SLC5A4: variants seen among roughly 807,000 people sequenced by gnomAD.
The protein encoded by SLC5A4 is solute carrier family 5 member 4.
In SLC5A4, 55 loss-of-function variants were observed where a neutral mutation model predicts 70.3. The observed-to-expected ratio is 0.78, with a 90% confidence interval of 0.63 to 0.98. The LOEUF is 0.98. Among genes scored for constraint, SLC5A4 ranks in the 50% least tolerant of loss-of-function variants. The pLI is 0.00. For missense variants in SLC5A4, 735 were observed against 839.2 expected (o/e 0.88, Z 1.53); for synonymous variants, 268 against 305.7 (o/e 0.88, Z 1.29).
chr22:32,248,653 G>A, intron 4 of SLC5A4, 90 bp downstream of exon 4: 1 of 932,072 alleles, frequency 1.1e-6, no homozygotes, highest in Middle Eastern at 2.1e-4. Context: ...TTTTTTCCTG[G>A]CAATACTCAT....
chr22:32,304,170 G>T, the SLC5A4 span, among the ~76,000 whole-genome samples: 1 of 151,980 alleles, frequency 6.6e-6, no homozygotes, highest in Non-Finnish European at 1.5e-5. Flanking sequence ...TCTGTCATCC[G>T]GGGTGGAGTG....
At chr22:32,240,149 G>A (rs1163996622) in intron 5 of SLC5A4, among the ~76,000 whole-genome samples, 1 of 151,922 alleles carries the variant, frequency 6.6e-6, no homozygotes, top group African/African-American at 2.4e-5. Context: ...TGGGGGGTTA[G>A]TTATGATTAT....
the SLC5A4 span, among the ~76,000 whole-genome samples, chr22:32,353,946 G>A: frequency 1.3e-5 from 2 of 149,552 alleles, no homozygotes; most frequent in African/African-American, 2.5e-5. Flanking sequence ...CAGCAACCCA[G>A]GGAGACGCCC....
At chr22:32,325,481 A>AG in the SLC5A4 span, among the ~76,000 whole-genome samples, 30 of 152,322 alleles carry the variant, frequency 2.0e-4, 1 homozygote, top group South Asian at 5.8e-3. Context: ...GGCCATTCAG[A>AG]GGATCACAAG....
the SLC5A4 span, among the ~76,000 whole-genome samples, chr22:32,346,810 T>C: frequency 6.8e-6 from 1 of 147,502 alleles, no homozygotes; most frequent in Admixed American, 6.8e-5. Context: ...ACTTCATGTC[T>C]AAAACACCAA....
the SLC5A4 span, among the ~76,000 whole-genome samples, chr22:32,315,794 TAAAA>T: frequency 5.2e-5 from 5 of 95,910 alleles, no homozygotes; most frequent in African/African-American, 1.1e-4. Context: ...CACACTTGCT[TAAAA>T]AAAAAAAAAA....
Position 32,234,773 on chromosome 22 carries a change from A to G in SLC5A4, c.885+100T>C. 3.3e-6 allele frequency: 3 copies of G among 908,956 alleles called. No homozygotes were observed. In the Admixed American group the frequency reaches 5.8e-5, roughly 18 times the overall value. The allele number at this position is 908,956 out of a possible 1,614,324, so 56.3% of individuals were successfully genotyped here. A position where few individuals can be genotyped will look rare whatever the true frequency, so the allele number is the denominator to read the frequency against. On this transcript the variant is annotated intron_variant, in intron 8 of 14. Transcript: ENST00000266086. Reference sequence around the variant, plus strand: ...ACGATGTGTGTGCAAAATGGAAACTAAATGTTTTTCTATGAGACAAGAAAG... The same window carrying G: ...ACGATGTGTGTGCAAAATGGAAACTGAATGTTTTTCTATGAGACAAGAAAG...
the SLC5A4 span, chr22:32,271,293 G>T: frequency 5.4e-6 from 4 of 744,348 alleles, no homozygotes; most frequent in Admixed American, 2.0e-5. Flanking sequence ...CACAGGGCGA[G>T]GCCCGCAGGG....
At chr22:32,282,280 C>A in the SLC5A4 span, among the ~76,000 whole-genome samples, 2 of 152,108 alleles carry the variant, frequency 1.3e-5, no homozygotes, top group African/African-American at 4.8e-5. Flanking sequence ...TCAGCAGTGA[C>A]CCCCAACCCA....
chr22:32,252,229 C>CAAAA (rs35272467), intron 2 of SLC5A4, among the ~76,000 whole-genome samples: 3 of 91,388 alleles, frequency 3.3e-5, no homozygotes, highest in African/African-American at 1.1e-4. Flanking sequence ...GACTCTGTCT[C>CAAAA]AAAAAAAAAA....
At chr22:32,298,613 G>T in the SLC5A4 span, among the ~76,000 whole-genome samples, 1 of 85,512 alleles carries the variant, frequency 1.2e-5, no homozygotes, top group Non-Finnish European at 2.5e-5. Flanking sequence ...TATCCAATTT[G>T]CCAGTCTGTG....
At chr22:32,329,489 G>A in the SLC5A4 span, among the ~76,000 whole-genome samples, 5 of 151,188 alleles carry the variant, frequency 3.3e-5, no homozygotes, top group Non-Finnish European at 5.9e-5. Context: ...GATGCAGATG[G>A]GGAGGGGACG....
chr22:32,255,899 G>A (rs1297879446), upstream of SLC5A4, among the ~76,000 whole-genome samples: 1 of 152,186 alleles, frequency 6.6e-6, no homozygotes, highest in Non-Finnish European at 1.5e-5. Flanking sequence ...TATGTGGTGA[G>A]TTGAGGGCAG....
At chr22:32,271,335 C>G in the SLC5A4 span, 1 of 737,288 alleles carries the variant, frequency 1.4e-6, no homozygotes, top group Non-Finnish European at 2.4e-6. Context: ...AGCTGCCTCT[C>G]TCGTCAAGGA....
chr22:32,246,128 A>G (rs964969859), intron 5 of SLC5A4, among the ~76,000 whole-genome samples: 5 of 152,230 alleles, frequency 3.3e-5, no homozygotes, highest in Non-Finnish European at 7.3e-5. Flanking sequence ...GTATTGTCAT[A>G]TGGGACTAAT....
At chr22:32,290,913 G>C in the SLC5A4 span, among the ~76,000 whole-genome samples, 9 of 152,030 alleles carry the variant, frequency 5.9e-5, no homozygotes. Flanking sequence ...TATCACATTG[G>C]GTCTTAGGTT....
the SLC5A4 span, among the ~76,000 whole-genome samples, chr22:32,305,953 T>A: frequency 6.6e-6 from 1 of 151,238 alleles, no homozygotes; most frequent in Non-Finnish European, 1.5e-5. Flanking sequence ...CACCTGCCAT[T>A]GGCATTGAGT....
At chr22:32,353,953 G>A in the SLC5A4 span, among the ~76,000 whole-genome samples, 31 of 150,362 alleles carry the variant, frequency 2.1e-4, 1 homozygote, top group South Asian at 5.7e-3. Flanking sequence ...CCAGGGAGAC[G>A]CCCCAACTCA....
chr22:32,304,648 C>CT, the SLC5A4 span, among the ~76,000 whole-genome samples: 1 of 152,160 alleles, frequency 6.6e-6, no homozygotes, highest in Non-Finnish European at 1.5e-5. Context: ...GCAGCTGTGT[C>CT]TTTTTGCAAA....
Sources: gnomAD v4.1 joint callset for allele counts (sites outside exome capture counted in the v4.1 genomes callset) on GRCh38, gnomAD v4.1.1 for gene constraint, MANE v1.5 for transcripts, NCBI Gene and HGNC (gene_info 2026-07-23, HGNC 2026-07-21) for gene names.